GPR158: variants seen among roughly 807,000 people sequenced by gnomAD.
GPR158 encodes G protein-coupled receptor 158, also known as metabotropic glycine receptor.
A neutral mutation model predicts 78.2 loss-of-function variants in GPR158; 30 were observed. The ratio of observed to expected loss-of-function variants is 0.38; its 90% confidence interval spans 0.29 to 0.52. The LOEUF is 0.52. Ranked by LOEUF, GPR158 falls within the 20% of genes least tolerant of loss-of-function variation. The probability of loss-of-function intolerance (pLI) is 0.83; values close to 1 mark genes in which losing one functional copy is unlikely to be tolerated. For synonymous variants in GPR158, 581 were observed against 591.1 expected, an observed-to-expected ratio of 0.98 and a Z score of 0.25; for missense variants, 1,463 against 1,523.5, an observed-to-expected ratio of 0.96 and a Z score of 0.66.
At chr10:25,596,512 T>C in intron 9 of GPR158, 131 bp from the exon 10 acceptor site, 1 of 623,910 alleles carries the variant, frequency 1.6e-6, no homozygotes, top group Non-Finnish European at 2.8e-6. Context: ...TCTATCTATA[T>C]ATATAGATAG....
At chr10:25,405,498 C>CTTTTTTTTTTTTTTTT (rs59695469) in intron 3 of GPR158, among the ~76,000 whole-genome samples, 5 of 45,534 alleles carry the variant, frequency 1.1e-4, no homozygotes, top group Non-Finnish European at 1.7e-4. Flanking sequence ...AAACAATTTC[C>CTTTTTTTTTTTTTTTT]TTTTTTTTTT....
intron 2 of GPR158, among the ~76,000 whole-genome samples, chr10:25,364,423 T>G (rs56365159): frequency 0.16 from 24,078 of 151,848 alleles, 2,218 homozygotes; most frequent in African/African-American, 0.25. Context: ...TTTGAAAAAT[T>G]TTAAACAATC....
At chr10:25,594,180 A>C in intron 8 of GPR158, 112 bp from the exon 9 acceptor site, 2 of 656,610 alleles carry the variant, frequency 3.0e-6, no homozygotes, top group South Asian at 3.4e-5. Flanking sequence ...TAGTAATACA[A>C]TTTCCTTTTT....
intron 3 of GPR158, 107 bp from the exon 4 acceptor site, chr10:25,412,139 TTTAA>T (rs1396003974): frequency 5.3e-6 from 4 of 753,536 alleles, no homozygotes; most frequent in Admixed American, 2.0e-5. Flanking sequence ...ACAAAAGGTC[TTTAA>T]TAAGTGAGAA....
chr10:25,359,123 C>T (rs1012853954), intron 2 of GPR158, among the ~76,000 whole-genome samples: 45 of 151,662 alleles, frequency 3.0e-4, no homozygotes, highest in African/African-American at 9.4e-4. Flanking sequence ...TTTTATTTTA[C>T]GACTTCTGGG....
intron 2 of GPR158, among the ~76,000 whole-genome samples, chr10:25,380,504 T>G (rs1405516520): frequency 6.6e-6 from 1 of 152,208 alleles, no homozygotes; most frequent in East Asian, 1.9e-4. Flanking sequence ...TTACAATTAG[T>G]AATGTATTAC....
intron 2 of GPR158, among the ~76,000 whole-genome samples, chr10:25,297,202 T>C (rs1854528122): frequency 6.6e-6 from 1 of 152,176 alleles, no homozygotes; most frequent in Non-Finnish European, 1.5e-5. Context: ...TGCCCCTAGG[T>C]GTAACATTGC....
At chr10:25,501,870 T>C (rs1355031164) in intron 5 of GPR158, among the ~76,000 whole-genome samples, 1 of 152,186 alleles carries the variant, frequency 6.6e-6, no homozygotes, top group Non-Finnish European at 1.5e-5. Flanking sequence ...GTGGCTAATT[T>C]GAACTTCAAC....
At chr10:25,531,354 G>A (rs1223900569) in intron 5 of GPR158, among the ~76,000 whole-genome samples, 3 of 152,128 alleles carry the variant, frequency 2.0e-5, no homozygotes, top group African/African-American at 7.2e-5. Context: ...CGTCCATGCT[G>A]GTTTTGATTA....
chr10:25,486,345 G>A (rs957740587), intron 5 of GPR158, among the ~76,000 whole-genome samples: 37 of 147,020 alleles, frequency 2.5e-4, no homozygotes, highest in African/African-American at 9.5e-4. Context: ...AGCATAGACT[G>A]TGGAGCCAGA....
At chr10:25,571,793 C>A (rs895141985) in intron 6 of GPR158, among the ~76,000 whole-genome samples, 15 of 152,110 alleles carry the variant, frequency 9.9e-5, no homozygotes, top group Non-Finnish European at 2.9e-5. Context: ...TAGTTCTCAA[C>A]TCTGGCTATT....
intron 2 of GPR158, among the ~76,000 whole-genome samples, chr10:25,276,559 G>C (rs1485289245): frequency 6.6e-6 from 1 of 152,086 alleles, no homozygotes. Context: ...ACAAAATCTA[G>C]ACAGAGAGCT....
intron 2 of GPR158, among the ~76,000 whole-genome samples, chr10:25,323,249 A>T (rs1265414748): frequency 6.6e-6 from 1 of 152,184 alleles, no homozygotes; most frequent in Non-Finnish European, 1.5e-5. Flanking sequence ...TTGTTGTTAC[A>T]TTTATAGAAC....
At chr10:25,590,117 T>C (rs1425453345) in intron 8 of GPR158, among the ~76,000 whole-genome samples, 2 of 152,130 alleles carry the variant, frequency 1.3e-5, no homozygotes, top group African/African-American at 2.4e-5. Context: ...GGGAATTTTG[T>C]AGGATGCCTA....
intron 1 of GPR158, among the ~76,000 whole-genome samples, chr10:25,191,152 A>C (rs184894652): frequency 6.6e-6 from 1 of 152,384 alleles, no homozygotes; most frequent in East Asian, 1.9e-4. Context: ...GGCATTCGTT[A>C]AAGAACCAAT....
rs1837478828 is a variant in GPR158 at position 25,600,360 on chromosome 10, C to A, written c.*1086C>A. The A allele has an allele frequency of 6.6e-6, 1 of 152,366 alleles. No homozygotes were observed. Among genetic ancestry groups the A allele is most frequent in the Non-Finnish European group, 1.5e-5 (1 of 68,018 alleles). The allele number at this position is 152,366 out of a possible 1,614,324, so 9.4% of individuals were successfully genotyped here. On this transcript the variant is annotated 3_prime_UTR_variant, in exon 11 of 11. Coordinates refer to ENST00000376351, the MANE Select transcript of GPR158 (RefSeq NM_020752.3). ...AAAAATATACCGTGCATTATTATTA[C>A]TATTGGAAAGGGAAGACTCTAGGGA...
intron 2 of GPR158, among the ~76,000 whole-genome samples, chr10:25,357,412 C>T (rs1385397591): frequency 6.6e-6 from 1 of 152,136 alleles, no homozygotes; most frequent in Non-Finnish European, 1.5e-5. Context: ...TCATGGCAGC[C>T]TTTCCCATTA....
chr10:25,592,173 TTA>T (rs1221224754), intron 8 of GPR158, among the ~76,000 whole-genome samples: 1 of 151,918 alleles, frequency 6.6e-6, no homozygotes, highest in African/African-American at 2.4e-5. Flanking sequence ...CTTAAAAAAA[TTA>T]TGTCTATGTA....
chr10:25,258,005 G>A (rs147169038), intron 2 of GPR158, among the ~76,000 whole-genome samples: 1 of 152,156 alleles, frequency 6.6e-6, no homozygotes, highest in Non-Finnish European at 1.5e-5. Flanking sequence ...GTAAAATGTG[G>A]CTTTACCAGT....
Sources: allele counts gnomAD v4.1 joint callset (sites outside exome capture counted in the v4.1 genomes callset), GRCh38; gene constraint gnomAD v4.1.1; transcripts MANE v1.5; gene names NCBI Gene and HGNC (gene_info 2026-07-23, HGNC 2026-07-21).